OSBPL3: variants seen among roughly 807,000 people sequenced by gnomAD.
The protein encoded by OSBPL3 is oxysterol-binding protein-related protein 3.
OSBPL3 carries 65 observed loss-of-function variants against 120.1 expected under a neutral mutation model. The observed-to-expected ratio is 0.54, with a 90% CI of 0.44 to 0.67. The LOEUF (loss-of-function observed/expected upper bound fraction) is 0.67, where lower values mean the gene tolerates loss of function less well. Among genes scored for constraint, OSBPL3 ranks in the 30% least tolerant of loss-of-function variants. OSBPL3 has a pLI of 0.00. For missense variants in OSBPL3, 1,004 were observed against 1,082.1 expected, an observed-to-expected ratio of 0.93 and a Z score of 1.01; for synonymous variants, 416 against 402.6, an observed-to-expected ratio of 1.03 and a Z score of -0.40.
intron 1 of OSBPL3, among the ~76,000 whole-genome samples, chr7:24,954,026 C>T (rs970056316): frequency 5.9e-5 from 9 of 152,186 alleles, no homozygotes; most frequent in Non-Finnish European, 1.0e-4. Flanking sequence ...CAAACAGGCC[C>T]TGTGAAGCTC....
rs576416733 is a variant in OSBPL3 at position 24,796,826 on chromosome 7, C to A, written c.*3357G>T. On this transcript the variant is annotated 3_prime_UTR_variant, in exon 23 of 23. Transcript: ENST00000313367. The surrounding 1 kb of genome is among the most constrained non-coding windows in gnomAD (Gnocchi z 5.2). ...ATGATTTGCAGATATTTACATGACGCAGGTTTCCAACACAGAAAAATGAAG... is the reference window on the plus strand; with the variant it reads ...ATGATTTGCAGATATTTACATGACGAAGGTTTCCAACACAGAAAAATGAAG... 3.1e-4 allele frequency: 47 copies of A among 152,298 alleles called. No individual in the cohort carries two copies. Among genetic ancestry groups the A allele is most frequent in the African/African-American group, 1.1e-3 (45 of 41,554 alleles). The allele number at this position is 152,298 out of a possible 1,614,324, so 9.4% of individuals were successfully genotyped here.
In OSBPL3 at chr7:24,796,586, G is replaced by C. The variant is rs927692668; in HGVS notation, c.*3597C>G. ...CACATTCAACTAGCTACATGAGGGG[G>C]ATAAGCAAATTAATAGGAGCTTTTT... On this transcript the variant is annotated 3_prime_UTR_variant, in exon 23 of 23. Transcript: ENST00000313367. The surrounding 1 kb of genome is among the most constrained non-coding windows in gnomAD (Gnocchi z 5.2). 6.6e-6 allele frequency: 1 copy of C among 152,134 alleles called. No homozygotes were observed. The highest frequency in any genetic ancestry group is 2.4e-5 in the African/African-American group (1 of 41,430). 9.4% of individuals were successfully genotyped at this position (152,134 alleles called of 1,614,324 possible). A position where few individuals can be genotyped will look rare whatever the true frequency, so the allele number is the denominator to read the frequency against.
chr7:24,899,275 G>A lies in OSBPL3; in HGVS notation c.-149-6654C>T, dbSNP rs1477499319. On this transcript the variant is annotated intron_variant, in intron 1 of 22. Transcript: ENST00000313367. The surrounding 1 kb of genome is among the most constrained non-coding windows in gnomAD (Gnocchi z 4.0). ...AGAGAAGGCAATGACAATCTTCCTG[G>A]CCTCAACCACACTGCAACTGTTAAT... is the stretch of plus-strand genomic sequence containing the variant. Among the ~76,000 whole-genome samples, 1 of 152,128 alleles carries A rather than the reference G, an allele frequency of 6.6e-6. No individual in the cohort carries two copies. Among genetic ancestry groups the A allele is most frequent in the Non-Finnish European group, 1.5e-5 (1 of 68,010 alleles).
rs1344568814 is a variant in OSBPL3, at chr7:24,816,672, G to T, written c.1965C>A (p.Asn655Lys). The T allele has an allele frequency of 4.3e-6, 7 of 1,610,284 alleles. No individual in the cohort carries two copies. The highest frequency in any genetic ancestry group is 5.9e-6 in the Non-Finnish European group (7 of 1,176,544). Reference protein sequence around the residue: ...FVFWQDVRWKNKFWGKSMEIV... With the variant: ...FVFWQDVRWKKKFWGKSMEIV... ...TTTCCATGGATTTGCCCCAGAATTT[G>T]TTTTTCCATCTCACATCTGAAATGA... The change falls in exon 18 of 23, where the codon AAC (asparagine) becomes AAA (lysine). Residue 655 changes from asparagine to lysine, a missense_variant. This residue lies in a region of OSBPL3 where 473 missense variants were observed against 568.0 expected (regional missense o/e 0.83). Transcript: ENST00000313367.
chr7:24,876,493 C>G (rs1341134496), intron 2 of OSBPL3, among the ~76,000 whole-genome samples: 1 of 151,700 alleles, frequency 6.6e-6, no homozygotes, highest in Non-Finnish European at 1.5e-5. Context: ...ATCACAGTGA[C>G]CATCTTTTCA....
At chr7:24,980,396 C>G (rs1045016138), upstream of OSBPL3, among the ~76,000 whole-genome samples, 13 of 151,924 alleles carry the variant, frequency 8.6e-5, no homozygotes, top group African/African-American at 2.4e-4. Context: ...ACTAGGGACC[C>G]CGGATTCCGG....
Position 24,892,717 on chromosome 7 carries a change from TAC to T in OSBPL3, c.-149-98_-149-97del, listed in dbSNP as rs1394525629. ...CAAGTGGCTTAAACATACTACAGAT[TAC>T]AGACTCACGATGTTTAGCTATAGCA... On this transcript the variant is annotated intron_variant, in intron 1 of 22. Transcript: ENST00000313367. 8 of 815,974 alleles carry T rather than the reference TAC, an allele frequency of 9.8e-6. No homozygotes were observed. In the African/African-American group the frequency reaches 1.4e-4, roughly 14 times the overall value. 50.5% of individuals were successfully genotyped at this position (815,974 alleles called of 1,614,324 possible).
At chr7:24,869,851 T>G (rs886630877) in intron 5 of OSBPL3, among the ~76,000 whole-genome samples, 1 of 152,208 alleles carries the variant, frequency 6.6e-6, no homozygotes, top group African/African-American at 2.4e-5. Context: ...AAGGAGCTCA[T>G]GATCTCATGC....
At chr7:24,887,038 A>G (rs898249905) in intron 2 of OSBPL3, among the ~76,000 whole-genome samples, 5 of 152,218 alleles carry the variant, frequency 3.3e-5, no homozygotes, top group Non-Finnish European at 7.3e-5. Context: ...ATGATTTACA[A>G]TGAGCAATCT....
rs1004710785 is a variant in OSBPL3 at position 24,804,916 on chromosome 7, G to A, written c.2445-479C>T. Among the ~76,000 whole-genome samples the A allele has an allele frequency of 1.3e-5, 2 of 152,122 alleles. No individual in the cohort carries two copies. Among genetic ancestry groups the A allele is most frequent in the Non-Finnish European group, 2.9e-5 (2 of 68,018 alleles). On this transcript the variant is annotated intron_variant, in intron 21 of 22. Transcript: ENST00000313367. This position sits in a 1 kb window ranked among gnomAD's most constrained non-coding sequence, Gnocchi z 5.4. ...ATATCTTACAGATCTTTCCATGGATGTACATACATCTTCATTTTTTAATAG... is the reference window on the plus strand; with the variant it reads ...ATATCTTACAGATCTTTCCATGGATATACATACATCTTCATTTTTTAATAG...
In OSBPL3 at chr7:24,936,077, A is replaced by C. The variant is rs2128474098; in HGVS notation, c.-149-43456T>G. On this transcript the variant is annotated intron_variant, in intron 1 of 22. Transcript: ENST00000313367. The surrounding 1 kb of genome is among the most constrained non-coding windows in gnomAD (Gnocchi z 4.2). ...TTTTATCACCATTTAATTCATTCTT[A>C]AGATTTCTTCTGGTTGAAAACTACC... is the stretch of plus-strand genomic sequence containing the variant. Among the ~76,000 whole-genome samples, 1 of 138,456 alleles carries C rather than the reference A, an allele frequency of 7.2e-6. No individual in the cohort carries two copies. Among genetic ancestry groups the C allele is most frequent in the African/African-American group, 2.8e-5 (1 of 36,056 alleles). The allele number at this position is 138,456 out of a possible 152,430, so 90.8% of individuals were successfully genotyped here.
At chr7:24,850,980 T>C (rs1416668573) in intron 11 of OSBPL3, among the ~76,000 whole-genome samples, 6 of 152,146 alleles carry the variant, frequency 3.9e-5, no homozygotes, top group African/African-American at 1.4e-4. Context: ...ATGAATTCCT[T>C]AGTGAAGGTG....
At chr7:24,976,352 C>T (rs1049998920) in intron 1 of OSBPL3, among the ~76,000 whole-genome samples, 19 of 152,160 alleles carry the variant, frequency 1.2e-4, no homozygotes, top group Admixed American at 4.6e-4. Context: ...AATAATTTAC[C>T]TGACCATGGA....
rs936037398 is a variant in OSBPL3 at position 24,940,484 on chromosome 7, G to A, written c.-150+39402C>T. Among the ~76,000 whole-genome samples the A allele has an allele frequency of 6.6e-6, 1 of 152,100 alleles. No individual in the cohort carries two copies. The highest frequency in any genetic ancestry group is 2.4e-5 in the African/African-American group (1 of 41,400). ...ACAGGCTGAACAGGGTGCAGATCAG[G>A]GAATAAATTCACAATGAGTCTGAAG... On this transcript the variant is annotated intron_variant, in intron 1 of 22. Transcript: ENST00000313367. This position sits in a 1 kb window ranked among gnomAD's most constrained non-coding sequence, Gnocchi z 4.4.
rs1262262905 is a variant in OSBPL3, at chr7:24,877,815, G to A, written c.97-5746C>T. Among the ~76,000 whole-genome samples the A allele has an allele frequency of 6.6e-6, 1 of 152,148 alleles. No individual in the cohort carries two copies. Among genetic ancestry groups the A allele is most frequent in the Non-Finnish European group, 1.5e-5 (1 of 68,028 alleles). On this transcript the variant is annotated intron_variant, in intron 2 of 22. Transcript: ENST00000313367. The surrounding 1 kb of genome is among the most constrained non-coding windows in gnomAD (Gnocchi z 4.8). Reference sequence around the variant, plus strand: ...GCAGGCACCTTGAGCTGCATATCCTGAGACACAGTACAGGGTAGACTTGGG... The same window carrying A: ...GCAGGCACCTTGAGCTGCATATCCTAAGACACAGTACAGGGTAGACTTGGG...
chr7:24,844,567 C>G (rs898781746), intron 12 of OSBPL3, among the ~76,000 whole-genome samples: 1 of 152,192 alleles, frequency 6.6e-6, no homozygotes, highest in Non-Finnish European at 1.5e-5. Flanking sequence ...TACAAGCATT[C>G]TGACACATTT....
At chr7:24,858,746 C>T (rs979050183) in intron 10 of OSBPL3, among the ~76,000 whole-genome samples, 1 of 152,200 alleles carries the variant, frequency 6.6e-6, no homozygotes, top group Non-Finnish European at 1.5e-5. Flanking sequence ...GGGCCCATTA[C>T]AGACTTTCAA....
At chr7:24,857,902 C>T (rs1173789298) in intron 10 of OSBPL3, among the ~76,000 whole-genome samples, 2 of 152,154 alleles carry the variant, frequency 1.3e-5, no homozygotes, top group African/African-American at 4.8e-5. Context: ...CATTTTTAAT[C>T]ATGAAGTTTT....
rs145420310 is a variant in OSBPL3, at chr7:24,932,197, C to T, written c.-149-39576G>A. On this transcript the variant is annotated intron_variant, in intron 1 of 22. Coordinates refer to ENST00000313367, the MANE Select transcript of OSBPL3 (RefSeq NM_015550.4). This position sits in a 1 kb window ranked among gnomAD's most constrained non-coding sequence, Gnocchi z 5.6. ...GCACATTTGTCCCACTTTAAAGCTT[C>T]GGCAACTGAGGCTTAACAAGGTCAT... is the stretch of plus-strand genomic sequence containing the variant. 9.2e-4 allele frequency among the ~76,000 whole-genome samples: 140 copies of T among 152,300 alleles called. 1 individual carries two copies. Among genetic ancestry groups the T allele is most frequent in the African/African-American group, 3.2e-3 (132 of 41,558 alleles).
Sources: gnomAD v4.1 joint callset for allele counts (sites outside exome capture counted in the v4.1 genomes callset) on GRCh38, gnomAD v4.1.1 for gene constraint, gnomAD v4.1.1 regional missense constraint, Gnocchi (gnomAD v3.1) non-coding constraint, MANE v1.5 for transcripts, NCBI Gene and HGNC (gene_info 2026-07-23, HGNC 2026-07-21) for gene names.